The following CAPN8 variants were observed in gnomAD, a reference collection of about 807,000 sequenced individuals.
CAPN8 encodes calpain-8.
Under a neutral mutation model 80.9 loss-of-function variants are expected in CAPN8, and 87 were observed. That is an observed-to-expected ratio of 1.07 (90% CI 0.90 to 1.28). The LOEUF is 1.28. Among genes scored for constraint, CAPN8 ranks in the 50% most tolerant of loss-of-function variants. The probability of loss-of-function intolerance (pLI) is 0.00; values close to 1 mark genes in which losing one functional copy is unlikely to be tolerated. For synonymous variants in CAPN8, 299 were observed against 273.8 expected (o/e 1.09, Z -0.91); for missense variants, 757 against 702.0 (o/e 1.08, Z -0.89).
chr1:223,662,942 T>C (rs191406220), intron 1 of CAPN8, among the ~76,000 whole-genome samples: 1 of 152,332 alleles, frequency 6.6e-6, no homozygotes, highest in African/African-American at 2.4e-5. Context: ...TAATGTACCC[T>C]TGTGGTATGT....
At chr1:223,615,816 A>G in intron 10 of CAPN8, 154 bp downstream of exon 10, 2 of 888,848 alleles carry the variant, frequency 2.3e-6, no homozygotes, top group South Asian at 2.8e-5. Flanking sequence ...TTCAGGCCTC[A>G]GTAAGGCCAC....
At chr1:223,619,235 A>AATTACATAAAAAATTACATAAAAT in intron 9 of CAPN8, 58 bp downstream of exon 9, 1 of 1,526,210 alleles carries the variant, frequency 6.6e-7, no homozygotes, top group Non-Finnish European at 8.8e-7. Flanking sequence ...ACATAAAATG[A>AATTACATAAAAAATTACATAAAAT]CCCAGCTCAG....
intron 20 of CAPN8, 34 bp downstream of exon 20, chr1:223,543,074 C>T (rs1656511889): frequency 6.4e-7 from 1 of 1,550,540 alleles, no homozygotes; most frequent in Admixed American, 2.0e-5. Flanking sequence ...AGAGTACCAT[C>T]AGCCAGCAAT....
At chr1:223,623,019 T>G (rs1657450170) in intron 6 of CAPN8, 119 bp from the exon 7 acceptor site, 1 of 718,122 alleles carries the variant, frequency 1.4e-6, no homozygotes, top group African/African-American at 1.8e-5. Flanking sequence ...GGACCACACT[T>G]TTATTTTCCT....
At chr1:223,647,338 T>C (rs930104122) in intron 2 of CAPN8, among the ~76,000 whole-genome samples, 2 of 152,328 alleles carry the variant, frequency 1.3e-5, no homozygotes, top group East Asian at 1.9e-4. Context: ...TCCCAGATAG[T>C]TGTAATTTCA....
At chr1:223,655,048 A>C (rs1658446292) in intron 1 of CAPN8, among the ~76,000 whole-genome samples, 1 of 152,064 alleles carries the variant, frequency 6.6e-6, no homozygotes, top group Middle Eastern at 3.4e-3. Flanking sequence ...GGGTGTGGAA[A>C]GGTGGTGAGG....
intron 1 of CAPN8, among the ~76,000 whole-genome samples, chr1:223,657,274 C>T (rs776255960): frequency 2.0e-5 from 3 of 152,116 alleles, no homozygotes; most frequent in Admixed American, 1.3e-4. Flanking sequence ...CAAGAGCTCC[C>T]AGTCTCCAAG....
chr1:223,622,808 A>T lies in CAPN8; in HGVS notation c.899+7T>A, dbSNP rs943064423. 1.8e-5 allele frequency: 28 copies of T among 1,550,888 alleles called. No homozygotes were observed. Among genetic ancestry groups the T allele is most frequent in the Non-Finnish European group, 2.4e-5 (28 of 1,146,280 alleles). ...GATGACTGGAGAAGCGGGGGAAAAA[A>T]ACCTACTCATCGCTCCAGGCTCCCG... On this transcript the variant is annotated splice_region_variant and intron_variant, in intron 7 of 20. Coordinates refer to ENST00000366872, the MANE Select transcript of CAPN8 (RefSeq NM_001143962.2).
chr1:223,660,328 A>C (rs1332891700), intron 1 of CAPN8, among the ~76,000 whole-genome samples: 1 of 152,208 alleles, frequency 6.6e-6, no homozygotes, highest in Non-Finnish European at 1.5e-5. Context: ...TGGGCTGGGC[A>C]TTAACCAAGC....
intron 10 of CAPN8, chr1:223,615,625 C>T (rs1657147607): frequency 6.8e-6 from 3 of 441,634 alleles, no homozygotes; most frequent in Admixed American, 2.4e-5. Context: ...CCTTGTGCCA[C>T]CTCAAGTGCC....
chr1:223,632,739 C>A (rs1463686823), intron 2 of CAPN8, among the ~76,000 whole-genome samples: 2 of 152,300 alleles, frequency 1.3e-5, no homozygotes, highest in African/African-American at 4.8e-5. Context: ...GTGAATAAGG[C>A]AGACAAAAAC....
chr1:223,625,560 G>A (rs913176996), intron 6 of CAPN8, among the ~76,000 whole-genome samples: 11 of 152,172 alleles, frequency 7.2e-5, no homozygotes, highest in African/African-American at 2.4e-4. Context: ...GCCTCCCAAA[G>A]TGCTGGGATT....
intron 2 of CAPN8, among the ~76,000 whole-genome samples, chr1:223,634,017 A>C (rs180847854): frequency 9.0e-4 from 137 of 152,342 alleles, no homozygotes; most frequent in African/African-American, 3.1e-3. Context: ...AGTTTGAAGC[A>C]GAAGCCAAAG....
chr1:223,611,397 G>GTTAA (rs1657027392), intron 11 of CAPN8, among the ~76,000 whole-genome samples: 2 of 152,160 alleles, frequency 1.3e-5, no homozygotes, highest in South Asian at 4.1e-4. Context: ...CAACCCAGAT[G>GTTAA]TTAACATTCT....
chr1:223,630,612 A>G (rs990522115), intron 2 of CAPN8, among the ~76,000 whole-genome samples: 1 of 152,148 alleles, frequency 6.6e-6, no homozygotes, highest in Non-Finnish European at 1.5e-5. Flanking sequence ...CTGGGATTAC[A>G]GGTGTAAGCC....
In CAPN8 at chr1:223,622,162, G is replaced by A. The variant is rs138283252; in HGVS notation, c.899+653C>T. On this transcript the variant is annotated intron_variant, in intron 7 of 20. Coordinates refer to ENST00000366872, the MANE Select transcript of CAPN8 (RefSeq NM_001143962.2). ...CTAACCTGCCTCTGCCAGGCCAGCT[G>A]TGCTCACTGGACAGAAACCACCCCA... is the stretch of plus-strand genomic sequence containing the variant. 8.8e-3 allele frequency among the ~76,000 whole-genome samples: 1,336 copies of A among 152,280 alleles called. 16 individuals are homozygous for A. Among genetic ancestry groups the A allele is most frequent in the Middle Eastern group, 0.02 (6 of 294 alleles).
chr1:223,635,423 C>T (rs74145955), intron 2 of CAPN8, among the ~76,000 whole-genome samples: 6,058 of 152,256 alleles, frequency 0.04, 291 homozygotes, highest in African/African-American at 0.12. Flanking sequence ...TGCCCAGAAT[C>T]GACCCACACA....
intron 1 of CAPN8, among the ~76,000 whole-genome samples, chr1:223,656,668 G>GTTTTTTTTTTTTTTTTTTT (rs1331913444): frequency 1.1e-5 from 1 of 94,798 alleles, no homozygotes; most frequent in Non-Finnish European, 2.1e-5. Flanking sequence ...CACGTTTTGG[G>GTTTTTTTTTTTTTTTTTTT]TTTTTTTGTT....
intron 10 of CAPN8, among the ~76,000 whole-genome samples, chr1:223,613,807 G>A (rs549346433): frequency 6.6e-6 from 1 of 152,258 alleles, no homozygotes; most frequent in African/African-American, 2.4e-5. Flanking sequence ...ATACAGGAAT[G>A]AGAATATGGC....
Sources: gnomAD v4.1 joint callset for allele counts (sites outside exome capture counted in the v4.1 genomes callset) on GRCh38, gnomAD v4.1.1 for gene constraint, MANE v1.5 for transcripts, NCBI Gene and HGNC (gene_info 2026-07-23, HGNC 2026-07-21) for gene names.